Variants in KCNMA1 observed in about 807,000 individuals in gnomAD.
The protein encoded by KCNMA1 is Calcium-activated potassium channel subunit alpha-1.
In KCNMA1, 29 loss-of-function variants were observed where a neutral mutation model predicts 140.0. The ratio of observed to expected loss-of-function variants is 0.21; its 90% CI spans 0.15 to 0.28. KCNMA1 has a LOEUF of 0.28. Ranked by LOEUF, KCNMA1 falls within the 10% of genes least tolerant of loss-of-function variation. The pLI, the probability that KCNMA1 is intolerant of heterozygous loss-of-function variation, is 1.00. For synonymous variants in KCNMA1, 612 were observed against 611.9 expected (o/e 1.00, Z 0.00); for missense variants, 880 against 1,602.2 (o/e 0.55, Z 7.70).
chr10:77,637,128 G>T, intron 1 of KCNMA1, 137 bp downstream of exon 1: 1 of 1,264,466 alleles, frequency 7.9e-7, no homozygotes, highest in Non-Finnish European at 1.1e-6. Flanking sequence ...AGAGCCGAGG[G>T]AAGGGAAGGC....
At chr10:77,627,052 C>T (rs994124883) in intron 1 of KCNMA1, among the ~76,000 whole-genome samples, 16 of 152,004 alleles carry the variant, frequency 1.1e-4, no homozygotes, top group African/African-American at 3.9e-4. Flanking sequence ...TTCTGTTCAG[C>T]AAAATAGGGG....
intron 2 of KCNMA1, among the ~76,000 whole-genome samples, chr10:77,347,644 C>T (rs538790662): frequency 6.6e-6 from 1 of 152,170 alleles, no homozygotes; most frequent in Non-Finnish European, 1.5e-5. Context: ...AGGACAACTG[C>T]ATCTTCCCTG....
chr10:77,056,704 C>T (rs889078896), intron 14 of KCNMA1, among the ~76,000 whole-genome samples: 10 of 151,936 alleles, frequency 6.6e-5, no homozygotes, highest in African/African-American at 9.7e-5. Flanking sequence ...AAGTAAAAGA[C>T]GGGATGCATA....
intron 2 of KCNMA1, among the ~76,000 whole-genome samples, chr10:77,393,975 T>C (rs1398876137): frequency 6.6e-6 from 1 of 152,188 alleles, no homozygotes; most frequent in Non-Finnish European, 1.5e-5. Flanking sequence ...CACTGACCTG[T>C]GCTACGCTCA....
At chr10:76,870,827 T>C (rs1219831162) in exon 28 of KCNMA1, 1 of 152,254 alleles carries the variant, frequency 6.6e-6, no homozygotes, top group Non-Finnish European at 1.5e-5. Context: ...TGACAAACTC[T>C]GGGAATATGG....
At chr10:76,970,329 G>T (rs1314414774) in intron 19 of KCNMA1, 22 of 187,042 alleles carry the variant, frequency 1.2e-4, no homozygotes, top group Non-Finnish European at 1.6e-4. Flanking sequence ...CCTGCCATAA[G>T]AAAAAAAAAA....
intron 2 of KCNMA1, among the ~76,000 whole-genome samples, chr10:77,278,299 A>G (rs1462609380): frequency 2.0e-5 from 3 of 152,216 alleles, no homozygotes; most frequent in Non-Finnish European, 2.9e-5. Flanking sequence ...ACAAACAACC[A>G]TATCAGACCA....
chr10:77,143,231 GTAAA>G (rs1411763379), intron 5 of KCNMA1, among the ~76,000 whole-genome samples: 1 of 152,008 alleles, frequency 6.6e-6, no homozygotes, highest in Non-Finnish European at 1.5e-5. Context: ...TTAGAATCGA[GTAAA>G]TAGAGTTTAT....
Position 76,885,242 on chromosome 10 carries a change from T to C in KCNMA1, c.*2024A>G. 1 of 498,800 alleles carries C rather than the reference T, an allele frequency of 2.0e-6. No homozygotes were observed. The highest frequency in any genetic ancestry group is 2.6e-6 in the Non-Finnish European group (1 of 386,254). 30.9% of individuals were successfully genotyped at this position (498,800 alleles called of 1,614,324 possible). ...TTATATATATATAATTATATAGTTA[T>C]ATATATATAATTATATATAGTTTAT... On this transcript the variant is annotated 3_prime_UTR_variant, in exon 28 of 28. Transcript: ENST00000286628.
chr10:76,887,761 G>T, intron 27 of KCNMA1: 1 of 542,654 alleles, frequency 1.8e-6, no homozygotes, highest in Non-Finnish European at 3.3e-6. Flanking sequence ...AGTAATGGAA[G>T]AACCAAACTT....
chr10:77,178,801 C>T (rs985881035), intron 5 of KCNMA1, among the ~76,000 whole-genome samples: 7 of 152,146 alleles, frequency 4.6e-5, no homozygotes, highest in East Asian at 3.9e-4. Flanking sequence ...ATGAGACAGA[C>T]GGACATATGA....
chr10:77,584,416 G>A (rs1018425720), intron 1 of KCNMA1, among the ~76,000 whole-genome samples: 6 of 152,166 alleles, frequency 3.9e-5, no homozygotes, highest in South Asian at 2.1e-4. Flanking sequence ...GTGCACTGGC[G>A]CAATCTCGGC....
chr10:77,010,586 C>T (rs1197408926), intron 18 of KCNMA1, among the ~76,000 whole-genome samples: 2 of 151,978 alleles, frequency 1.3e-5, no homozygotes, highest in Non-Finnish European at 2.9e-5. Flanking sequence ...AACCCATGGT[C>T]CTAAGCTGCC....
At chr10:77,270,657 G>GTCATTAATATTAAAAATTCCTAATGAGAT (rs2064818263) in intron 2 of KCNMA1, among the ~76,000 whole-genome samples, 1 of 150,706 alleles carries the variant, frequency 6.6e-6, no homozygotes, top group South Asian at 2.1e-4. Context: ...AAGTAGCTGG[G>GTCATTAATATTAAAAATTCCTAATGAGAT]ACTACAGGTG....
rs888533350 is a variant in KCNMA1, at chr10:76,998,997, C to G, written c.2266+2410G>C. ...GACTGATGAAACGGAGAAGGCAAATCGCCCCCTGAGCTGTCAATACCAGTT... is the reference window on the plus strand; with the variant it reads ...GACTGATGAAACGGAGAAGGCAAATGGCCCCCTGAGCTGTCAATACCAGTT... On this transcript the variant is annotated intron_variant, in intron 19 of 27. Transcript: ENST00000286628. Among the ~76,000 whole-genome samples, 6 of 152,292 alleles carry G rather than the reference C, an allele frequency of 3.9e-5. No individual in the cohort carries two copies. The South Asian group carries it at 1.0e-3, about 26-fold the overall frequency.
chr10:77,332,388 T>C (rs549813133), intron 2 of KCNMA1, among the ~76,000 whole-genome samples: 11 of 152,322 alleles, frequency 7.2e-5, no homozygotes, highest in African/African-American at 2.4e-4. Context: ...AACATTATTC[T>C]GTGCTTGATC....
chr10:77,048,129 A>AATAAATAAATAAATAAATAAATAT (rs1403972952), intron 14 of KCNMA1, among the ~76,000 whole-genome samples: 1 of 151,850 alleles, frequency 6.6e-6, no homozygotes, highest in Non-Finnish European at 1.5e-5. Context: ...TAAATAAATA[A>AATAAATAAATAAATAAATAAATAT]ATAAGAATTA....
chr10:76,944,553 G>A (rs1163973385), intron 23 of KCNMA1, among the ~76,000 whole-genome samples: 1 of 152,198 alleles, frequency 6.6e-6, no homozygotes, highest in Non-Finnish European at 1.5e-5. Context: ...CCTCTGGAAA[G>A]GCAACCTAGT....
intron 5 of KCNMA1, among the ~76,000 whole-genome samples, chr10:77,163,041 A>G (rs977596165): frequency 6.6e-6 from 1 of 152,186 alleles, no homozygotes. Context: ...ATGCTCAAAC[A>G]TATGGATAAA....
Sources: allele counts gnomAD v4.1 joint callset (sites outside exome capture counted in the v4.1 genomes callset), GRCh38; gene constraint gnomAD v4.1.1; transcripts MANE v1.5; gene names NCBI Gene and HGNC (gene_info 2026-07-23, HGNC 2026-07-21).